DENND4C: variants seen among roughly 807,000 people sequenced by gnomAD.
DENND4C encodes the protein DENN domain-containing protein 4C.
Under a neutral mutation model 203.0 loss-of-function variants are expected in DENND4C, and 108 were observed. The observed-to-expected ratio is 0.53, with a 90% CI of 0.46 to 0.62. The LOEUF is 0.62. Ranked by LOEUF, DENND4C falls within the 20% of genes least tolerant of loss-of-function variation. DENND4C has a pLI of 0.00. For missense variants in DENND4C, 2,481 were observed against 2,301.2 expected, an observed-to-expected ratio of 1.08 and a Z score of -1.60; for synonymous variants, 871 against 792.4, an observed-to-expected ratio of 1.10 and a Z score of -1.67.
At chr9:19,240,339 C>G (rs1320592612) in intron 1 of DENND4C, among the ~76,000 whole-genome samples, 1 of 152,030 alleles carries the variant, frequency 6.6e-6, no homozygotes, top group Non-Finnish European at 1.5e-5. Flanking sequence ...ATTTGTGTAT[C>G]TAAACATAGA....
intron 1 of DENND4C, among the ~76,000 whole-genome samples, chr9:19,246,717 A>T (rs1032520946): frequency 2.8e-4 from 42 of 150,944 alleles, no homozygotes; most frequent in Non-Finnish European, 8.9e-5. Flanking sequence ...TATCTTCGAT[A>T]TTTTTGTTTT....
chr9:19,271,869 CAAAAA>C (rs200794983), intron 1 of DENND4C, among the ~76,000 whole-genome samples: 6 of 82,446 alleles, frequency 7.3e-5, no homozygotes, highest in African/African-American at 2.5e-4. Flanking sequence ...AACTCTGTCT[CAAAAA>C]AAAAAAAAAA....
intron 16 of DENND4C, among the ~76,000 whole-genome samples, chr9:19,329,808 C>A (rs1287970359): frequency 6.6e-6 from 1 of 152,126 alleles, no homozygotes; most frequent in Non-Finnish European, 1.5e-5. Context: ...ATACTTTATT[C>A]CAAGTATTAC....
chr9:19,368,141 TATAGC>T (rs962787245), intron 30 of DENND4C, among the ~76,000 whole-genome samples: 71 of 152,188 alleles, frequency 4.7e-4, no homozygotes, highest in African/African-American at 1.5e-3. Flanking sequence ...ATTGTGAAAT[TATAGC>T]ATAGTGTGAA....
At chr9:19,239,161 T>TC (rs1823053981) in intron 1 of DENND4C, among the ~76,000 whole-genome samples, 1 of 152,164 alleles carries the variant, frequency 6.6e-6, no homozygotes, top group Non-Finnish European at 1.5e-5. Flanking sequence ...CTGCTTTTTT[T>TC]CCCCGAGCGT....
intron 17 of DENND4C, among the ~76,000 whole-genome samples, chr9:19,334,517 GT>G (rs779496979): frequency 0.014 from 1,952 of 135,156 alleles, 22 homozygotes; most frequent in African/African-American, 0.042. Flanking sequence ...TTGTTTTTGG[GT>G]TTTTTTTTTT....
intron 1 of DENND4C, among the ~76,000 whole-genome samples, chr9:19,264,381 A>T (rs571772477): frequency 2.6e-5 from 4 of 151,964 alleles, no homozygotes; most frequent in Non-Finnish European, 2.9e-5. Flanking sequence ...ATTTCGGCTC[A>T]CTACAACCTC....
chr9:19,263,087 T>C (rs1314988123), intron 1 of DENND4C, among the ~76,000 whole-genome samples: 4 of 152,192 alleles, frequency 2.6e-5, no homozygotes, highest in Non-Finnish European at 5.9e-5. Flanking sequence ...TGTATATAGC[T>C]CTTACTGTGT....
intron 1 of DENND4C, among the ~76,000 whole-genome samples, chr9:19,261,520 G>A (rs1048516084): frequency 6.9e-6 from 1 of 144,210 alleles, no homozygotes; most frequent in Non-Finnish European, 1.5e-5. Context: ...CCTTTTTTTT[G>A]GAGATAGGGT....
chr9:19,253,211 A>T (rs1827085803), intron 1 of DENND4C, among the ~76,000 whole-genome samples: 1 of 152,202 alleles, frequency 6.6e-6, no homozygotes, highest in Non-Finnish European at 1.5e-5. Flanking sequence ...GATTTCTTTA[A>T]AAAGGTAGAA....
chr9:19,334,100 A>G (rs1819881215), intron 17 of DENND4C, among the ~76,000 whole-genome samples: 1 of 152,132 alleles, frequency 6.6e-6, no homozygotes, highest in Non-Finnish European at 1.5e-5. Flanking sequence ...GCTAGCATGC[A>G]GTGGCGCAGT....
Position 19,335,077 on chromosome 9 carries a change from A to G in DENND4C, c.2561A>G (p.Asn854Ser). The change falls in exon 18 of 33, where the codon AAT becomes AGT. Residue 854 changes from asparagine (N) to serine (S), a missense_variant. Asn to Ser is a conservative substitution (Grantham distance 46). Coordinates refer to ENST00000434457, the MANE Select transcript of DENND4C (RefSeq NM_001330640.2). ...FEMKTARIKP[N>S]AITYGYYNKV... ...ATGAAAACTGCTAGGATAAAGCCTA[A>G]TGCTATTACTTATGGTTATTATAAT... is the stretch of plus-strand genomic sequence containing the variant. 5 of 1,608,456 alleles carry G rather than the reference A, an allele frequency of 3.1e-6. No individual in the cohort carries two copies. The highest frequency in any genetic ancestry group is 4.2e-6 in the Non-Finnish European group (5 of 1,177,536).
chr9:19,290,320 A>G (rs1219823250), intron 4 of DENND4C, among the ~76,000 whole-genome samples: 5 of 152,158 alleles, frequency 3.3e-5, no homozygotes, highest in Non-Finnish European at 1.5e-5. Flanking sequence ...TTATTTCATA[A>G]CACTTGTCTC....
intron 30 of DENND4C, among the ~76,000 whole-genome samples, chr9:19,364,321 T>A (rs1400487145): frequency 1.3e-5 from 2 of 152,256 alleles, no homozygotes; most frequent in Non-Finnish European, 2.9e-5. Context: ...CATATACTTT[T>A]AGATGTGTAA....
intron 31 of DENND4C, 104 bp from the exon 32 acceptor site, chr9:19,371,646 ATATTAC>A (rs1246525846): frequency 2.0e-5 from 12 of 604,616 alleles, no homozygotes; most frequent in Non-Finnish European, 3.0e-5. Context: ...TGACATAGTT[ATATTAC>A]TATTAACTAG....
chr9:19,232,049 C>T (rs979270081), intron 1 of DENND4C, among the ~76,000 whole-genome samples: 3 of 152,118 alleles, frequency 2.0e-5, no homozygotes, highest in Non-Finnish European at 4.4e-5. Flanking sequence ...ATATTAGTTG[C>T]AAAAGGAAGT....
At chr9:19,343,882 AC>A (rs1283436436) in intron 22 of DENND4C, among the ~76,000 whole-genome samples, 1 of 152,216 alleles carries the variant, frequency 6.6e-6, no homozygotes, top group African/African-American at 2.4e-5. Flanking sequence ...TTTTTAAAAA[AC>A]ATTGAATAAA....
intron 1 of DENND4C, among the ~76,000 whole-genome samples, chr9:19,243,319 T>C (rs1254684556): frequency 6.6e-6 from 1 of 152,234 alleles, no homozygotes; most frequent in Non-Finnish European, 1.5e-5. Context: ...GTAGTATGTA[T>C]CACTCCTTCA....
At chr9:19,236,456 G>C (rs1356722752) in intron 1 of DENND4C, among the ~76,000 whole-genome samples, 1 of 152,206 alleles carries the variant, frequency 6.6e-6, no homozygotes, top group Non-Finnish European at 1.5e-5. Flanking sequence ...GAGGGAGTGG[G>C]TATGAAGCTG....
Sources: allele counts gnomAD v4.1 joint callset (sites outside exome capture counted in the v4.1 genomes callset), GRCh38; gene constraint gnomAD v4.1.1; transcripts MANE v1.5; gene names NCBI Gene and HGNC (gene_info 2026-07-23, HGNC 2026-07-21).